The following GLDN variants were observed in gnomAD, a reference collection of about 807,000 sequenced individuals.
The protein encoded by GLDN is collomin.
A neutral mutation model predicts 56.5 loss-of-function variants in GLDN; 47 were observed. The observed-to-expected ratio is 0.83, with a 90% CI of 0.66 to 1.06. The LOEUF (loss-of-function observed/expected upper bound fraction) is 1.06, where lower values mean the gene tolerates loss of function less well. Ranked by LOEUF, GLDN falls within the 50% of genes least tolerant of loss-of-function variation. GLDN has a pLI of 0.00. For synonymous variants in GLDN, 332 were observed against 278.8 expected, an observed-to-expected ratio of 1.19 and a Z score of -1.90; for missense variants, 782 against 714.3, an observed-to-expected ratio of 1.09 and a Z score of -1.08.
At chr15:51,396,193 G>A (rs576309682) in intron 5 of GLDN, among the ~76,000 whole-genome samples, 4 of 152,226 alleles carry the variant, frequency 2.6e-5, no homozygotes, top group African/African-American at 9.6e-5. Flanking sequence ...TTGCCTGCAC[G>A]GCCCCTGTTC....
At chr15:51,377,336 TCTC>T in intron 1 of GLDN, 110 bp from the exon 2 acceptor site, 1 of 814,902 alleles carries the variant, frequency 1.2e-6, no homozygotes, top group Non-Finnish European at 2.0e-6. Context: ...TTCCGCGGGT[TCTC>T]CTAAAGTTAC....
intron 5 of GLDN, among the ~76,000 whole-genome samples, chr15:51,395,800 A>G (rs2038114599): frequency 6.6e-6 from 1 of 152,224 alleles, no homozygotes; most frequent in Admixed American, 6.5e-5. Context: ...TGTAGGCTGT[A>G]CAAGAGGCAT....
intron 5 of GLDN, 34 bp from the exon 6 acceptor site, chr15:51,397,436 C>A: frequency 7.9e-7 from 1 of 1,263,306 alleles, no homozygotes. Flanking sequence ...TACCTCTTGC[C>A]TCCTTCTCTC....
intron 6 of GLDN, among the ~76,000 whole-genome samples, chr15:51,399,493 A>C (rs2038204195): frequency 6.6e-6 from 1 of 152,128 alleles, no homozygotes; most frequent in African/African-American, 2.4e-5. Context: ...CAGCCCATTC[A>C]TTAAGGGGGA....
At chr15:51,363,070 A>C (rs1308931961) in intron 1 of GLDN, among the ~76,000 whole-genome samples, 1 of 152,198 alleles carries the variant, frequency 6.6e-6, no homozygotes, top group Non-Finnish European at 1.5e-5. Flanking sequence ...TTTAGGGGGA[A>C]GATGAAGAGT....
At chr15:51,342,145 G>A (rs2141040888) in intron 1 of GLDN, 98 bp downstream of exon 1, 6 of 1,460,560 alleles carry the variant, frequency 4.1e-6, no homozygotes, top group Middle Eastern at 1.8e-4. Context: ...TGGCCAGGCT[G>A]CGAGGTGCTG....
At chr15:51,400,041 A>G in intron 6 of GLDN, 151 bp from the exon 7 acceptor site, 1 of 678,646 alleles carries the variant, frequency 1.5e-6, no homozygotes, top group South Asian at 1.9e-5. Flanking sequence ...GTTGCTTGAA[A>G]GCAAGCAACC....
intron 1 of GLDN, among the ~76,000 whole-genome samples, chr15:51,362,495 A>T (rs1180016319): frequency 6.6e-6 from 1 of 151,254 alleles, no homozygotes; most frequent in African/African-American, 2.4e-5. Flanking sequence ...AAAAAAAAAA[A>T]AAAAAAAAAA....
At position 51,401,743 on chromosome 15, in the gene GLDN, G is replaced by A. The variant is rs147954907; in HGVS notation, c.1178G>A (p.Arg393Lys). ...AAAGGGGGTTCTAATACCCTAGTGA[G>A]GTAAGTCGCACCACAGCACCTTCTC... ...YHKGGSNTLV[R>K]FEFGQETSQT... The change falls in exon 9 of 10, where the codon AGA becomes AAA. Residue 393 changes from arginine to lysine, a missense_variant and splice_region_variant. Coordinates refer to ENST00000335449, the MANE Select transcript of GLDN (RefSeq NM_181789.4). The A allele has an allele frequency of 7.6e-5, 123 of 1,612,668 alleles. No homozygotes were observed. The highest frequency in any genetic ancestry group is 9.7e-5 in the Non-Finnish European group (114 of 1,179,246).
chr15:51,369,398 C>T (rs922987110), intron 1 of GLDN, among the ~76,000 whole-genome samples: 1 of 152,238 alleles, frequency 6.6e-6, no homozygotes, highest in Non-Finnish European at 1.5e-5. Context: ...AGCATTTAAA[C>T]AGTGTTCCAG....
Position 51,404,487 on chromosome 15 carries a change from C to T in GLDN, c.1389C>T (p.Val463=), listed in dbSNP as rs1595843858. 1 of 1,614,112 alleles carries T rather than the reference C, an allele frequency of 6.2e-7. No individual in the cohort carries two copies. Among genetic ancestry groups the T allele is most frequent in the Non-Finnish European group, 8.5e-7 (1 of 1,180,016 alleles). ...DERTFSVVQH[V]NTTYPKSKAG... is the part of the protein sequence containing the mutation. ...GGACATTCTCAGTGGTGCAACACGT[C>T]AATACCACGTACCCTAAATCCAAGG... The change falls in exon 10 of 10, where the codon GTC becomes GTT. Residue 463 remains valine, a synonymous_variant. Coordinates refer to ENST00000335449, the MANE Select transcript of GLDN (RefSeq NM_181789.4).
chr15:51,377,589 G>C, intron 2 of GLDN, 89 bp downstream of exon 2: 6 of 899,176 alleles, frequency 6.7e-6, no homozygotes, highest in Non-Finnish European at 1.0e-5. Context: ...GGGACACTTT[G>C]TTATAAAAAT....
At chr15:51,346,343 A>G (rs1207089679) in intron 1 of GLDN, among the ~76,000 whole-genome samples, 1 of 152,246 alleles carries the variant, frequency 6.6e-6, no homozygotes. Context: ...AGATAAACCA[A>G]TGGGACAGAG....
intron 1 of GLDN, among the ~76,000 whole-genome samples, chr15:51,343,942 C>T (rs1159501584): frequency 6.6e-6 from 1 of 152,232 alleles, no homozygotes; most frequent in Non-Finnish European, 1.5e-5. Flanking sequence ...GAGTTCGGTG[C>T]AGATGGTCCA....
chr15:51,401,558 T>G (rs2038249854), intron 8 of GLDN, 35 bp from the exon 9 acceptor site: 26 of 1,589,834 alleles, frequency 1.6e-5, no homozygotes, highest in Non-Finnish European at 2.1e-5. Flanking sequence ...TTGCTGGAGG[T>G]AGGTAACAGC....
downstream of GLDN, among the ~76,000 whole-genome samples, chr15:51,411,118 C>T (rs2038460393): frequency 6.6e-6 from 1 of 152,218 alleles, no homozygotes; most frequent in Non-Finnish European, 1.5e-5. Context: ...CAGGTGGCTA[C>T]TGCTAAGCTT....
At chr15:51,386,170 G>C (rs1311842345) in intron 4 of GLDN, among the ~76,000 whole-genome samples, 1 of 152,148 alleles carries the variant, frequency 6.6e-6, no homozygotes, top group African/African-American at 2.4e-5. Context: ...AGAGAGTAAG[G>C]CTTGCGGAGG....
chr15:51,380,727 G>A (rs541908782), intron 2 of GLDN, among the ~76,000 whole-genome samples: 1 of 152,266 alleles, frequency 6.6e-6, no homozygotes, highest in African/African-American at 2.4e-5. Flanking sequence ...CTTTCCTGGT[G>A]CCTCTTCTCT....
At chr15:51,403,076 G>A (rs1454397928) in intron 9 of GLDN, among the ~76,000 whole-genome samples, 1 of 152,222 alleles carries the variant, frequency 6.6e-6, no homozygotes, top group Non-Finnish European at 1.5e-5. Context: ...CCCATAGTGA[G>A]AACTGGCCTC....
Sources: gnomAD v4.1 joint callset for allele counts (sites outside exome capture counted in the v4.1 genomes callset) on GRCh38, gnomAD v4.1.1 for gene constraint, MANE v1.5 for transcripts, NCBI Gene and HGNC (gene_info 2026-07-23, HGNC 2026-07-21) for gene names.